The following C14orf39 variants were observed in gnomAD, a reference collection of about 807,000 sequenced individuals.
The protein encoded by C14orf39 is chromosome 14 open reading frame 39, also known as protein SIX6OS1.
Under a neutral mutation model 85.6 loss-of-function variants are expected in C14orf39, and 66 were observed. That is an observed-to-expected ratio of 0.77 (90% CI 0.63 to 0.95). The LOEUF (loss-of-function observed/expected upper bound fraction) is 0.95. Ranked by LOEUF, C14orf39 falls within the 40% of genes least tolerant of loss-of-function variation. The pLI, the probability that C14orf39 is intolerant of heterozygous loss-of-function variation, is 0.00. For missense variants in C14orf39, 735 were observed against 663.9 expected, an observed-to-expected ratio of 1.11 and a Z score of -1.18; for synonymous variants, 242 against 214.0, an observed-to-expected ratio of 1.13 and a Z score of -1.14.
At position 60,491,677 on chromosome 14, in the gene C14orf39, T is replaced by C. The variant is rs1026980779; in HGVS notation, c.-8-6591A>G. ...TTTTTCTCTATTTCAGCTGCCGCCATCTAAATTCATTCTCTCACCTGGATT... is the reference window on the plus strand; with the variant it reads ...TTTTTCTCTATTTCAGCTGCCGCCACCTAAATTCATTCTCTCACCTGGATT... On this transcript the variant is annotated intron_variant, in intron 2 of 5. Coordinates refer to the C14orf39 transcript ENST00000556799. This position sits in a 1 kb window ranked among gnomAD's most constrained non-coding sequence, Gnocchi z 4.5. Among the ~76,000 whole-genome samples the C allele has an allele frequency of 1.3e-5, 2 of 152,212 alleles. No individual in the cohort carries two copies. The highest frequency in any genetic ancestry group is 4.8e-5 in the African/African-American group (2 of 41,462).
rs1209465724 is a variant in C14orf39, at chr14:60,483,777, A to G, written c.147T>C (p.Cys49=). The change falls in exon 4 of 18, where the codon TGT becomes TGC. Residue 49 remains cysteine (C), a synonymous_variant. Coordinates refer to ENST00000321731, the MANE Select transcript of C14orf39 (RefSeq NM_174978.3). ...EDIKENKVTI[C]RIHETINATD... is the part of the protein sequence containing the mutation. ...TTGCATTTATAGTTTCGTGTATCCTACAAATAGTTACTTTGTTTTCCTTAA... is the reference window on the plus strand; with the variant it reads ...TTGCATTTATAGTTTCGTGTATCCTGCAAATAGTTACTTTGTTTTCCTTAA... 2.6e-6 allele frequency: 4 copies of G among 1,549,464 alleles called. No homozygotes were observed. In the East Asian group the frequency reaches 9.1e-5, roughly 35 times the overall value.
At chr14:60,448,964 C>T (rs145314769) in intron 16 of C14orf39, among the ~76,000 whole-genome samples, 9 of 152,090 alleles carry the variant, frequency 5.9e-5, no homozygotes, top group Non-Finnish European at 7.3e-5. Context: ...CATGTTCTCA[C>T]TCATAGGTGG....
chr14:60,511,049 C>A (rs373345115), intron 1 of C14orf39: 21 of 1,605,744 alleles, frequency 1.3e-5, no homozygotes, highest in South Asian at 1.1e-4. Flanking sequence ...GGCTGTGTTA[C>A]GAGCTGTGAC....
chr14:60,465,453 C>T (rs1388367441), intron 11 of C14orf39, among the ~76,000 whole-genome samples: 1 of 152,114 alleles, frequency 6.6e-6, no homozygotes, highest in Admixed American at 6.6e-5. Flanking sequence ...TCCATATTCA[C>T]TGCTTCCACC....
chr14:60,450,271 C>A (rs572274177), intron 16 of C14orf39, among the ~76,000 whole-genome samples: 3 of 152,260 alleles, frequency 2.0e-5, no homozygotes, highest in South Asian at 4.1e-4. Context: ...TCTGGACCTT[C>A]CCTGGGCCAG....
chr14:60,444,173 G>A (rs1166352030), intron 16 of C14orf39, among the ~76,000 whole-genome samples: 1 of 152,180 alleles, frequency 6.6e-6, no homozygotes, highest in Non-Finnish European at 1.5e-5. Flanking sequence ...TGCCAGCAAT[G>A]GAACAAAACT....
intron 16 of C14orf39, among the ~76,000 whole-genome samples, chr14:60,447,941 G>A (rs1890852157): frequency 1.3e-5 from 2 of 152,194 alleles, no homozygotes; most frequent in South Asian, 4.1e-4. Flanking sequence ...CAGCAACGGG[G>A]AAAGGATTCC....
At chr14:60,451,045 G>C (rs966325814) in intron 16 of C14orf39, among the ~76,000 whole-genome samples, 1 of 152,098 alleles carries the variant, frequency 6.6e-6, no homozygotes, top group African/African-American at 2.4e-5. Flanking sequence ...ATTCTTCAAT[G>C]CCTAGACACC....
intron 1 of C14orf39, among the ~76,000 whole-genome samples, chr14:60,508,013 C>A (rs1893229020): frequency 6.6e-6 from 1 of 152,142 alleles, no homozygotes; most frequent in Admixed American, 6.6e-5. Flanking sequence ...GTTGCCAATT[C>A]ACTCCACTAG....
At chr14:60,486,319 T>C (rs1208581834), upstream of C14orf39, among the ~76,000 whole-genome samples, 3 of 152,234 alleles carry the variant, frequency 2.0e-5, no homozygotes, top group African/African-American at 7.2e-5. Context: ...AGACAAGTGT[T>C]TTTTAAAGCC....
rs1322882418 is a variant in C14orf39, at chr14:60,436,915, G to A, written c.1694C>T (p.Ser565Leu). The A allele has an allele frequency of 6.2e-7, 1 of 1,612,424 alleles. No homozygotes were observed. Among genetic ancestry groups the A allele is most frequent in the Admixed American group, 1.7e-5 (1 of 59,952 alleles). Residue 565 changes from serine to leucine, a missense_variant, in exon 18 of 18, where the codon TCA becomes TTA. By Grantham distance (145) the Ser-to-Leu change is moderately radical. Coordinates refer to ENST00000321731, the MANE Select transcript of C14orf39 (RefSeq NM_174978.3). ...FPFSFGQGQN[S>L]IPSSSLKGFS... ...ACCTTTTAAAGAAGAAGAAGGTATT[G>A]AATTTTGACCCTGTCCAAATGAAAA...
rs143863550 is a variant in C14orf39 at position 60,504,062 on chromosome 14, C to T, written c.-143-4632G>A. ...ATCTCTGGCCTGCACCCACTAGATG[C>T]CAACTGAGACTACCGAAACTGTCTC... is the stretch of plus-strand genomic sequence containing the variant. On this transcript the variant is annotated intron_variant, in intron 1 of 5. Transcript: ENST00000556799. Among the ~76,000 whole-genome samples, 616 of 152,274 alleles carry T rather than the reference C, an allele frequency of 4.0e-3. 7 individuals are homozygous for T. Among genetic ancestry groups the T allele is most frequent in the African/African-American group, 0.014 (586 of 41,554 alleles).
intron 1 of C14orf39, among the ~76,000 whole-genome samples, chr14:60,503,809 T>C (rs1321299788): frequency 1.3e-5 from 2 of 152,210 alleles, no homozygotes; most frequent in Non-Finnish European, 2.9e-5. Context: ...GGAACAGATT[T>C]TATTAACATG....
chr14:60,448,933 A>C (rs1162757688), intron 16 of C14orf39, among the ~76,000 whole-genome samples: 2 of 152,170 alleles, frequency 1.3e-5, no homozygotes, highest in African/African-American at 2.4e-5. Context: ...AACTATCACA[A>C]GGACAGAAAA....
intron 15 of C14orf39, among the ~76,000 whole-genome samples, chr14:60,456,187 G>T (rs1891269196): frequency 6.6e-6 from 1 of 152,050 alleles, no homozygotes; most frequent in Admixed American, 6.6e-5. Flanking sequence ...GGTTGTTAAG[G>T]AAGATAATGG....
upstream of C14orf39, among the ~76,000 whole-genome samples, chr14:60,487,454 T>A (rs879282510): frequency 6.6e-6 from 1 of 151,710 alleles, no homozygotes; most frequent in Non-Finnish European, 1.5e-5. Flanking sequence ...TGGTCACAAA[T>A]GACAAGATTC....
chr14:60,437,085 A>C (rs2140003215), intron 17 of C14orf39, 38 bp from the exon 18 acceptor site: 1 of 1,385,744 alleles, frequency 7.2e-7, no homozygotes, highest in Middle Eastern at 2.5e-4. Flanking sequence ...TGCTCTTCAT[A>C]TTATATAAAA....
Position 60,469,515 on chromosome 14 carries a change from A to C in C14orf39, c.675+18T>G, listed in dbSNP as rs907952532. 3 of 1,154,398 alleles carry C rather than the reference A, an allele frequency of 2.6e-6. No individual in the cohort carries two copies. In the African/African-American group the frequency reaches 4.8e-5, roughly 18 times the overall value. The allele number at this position is 1,154,398 out of a possible 1,614,324, so 71.5% of individuals were successfully genotyped here. ...ATACATTAATACACATATTAGAAAT[A>C]TATAACAAAATATATACCTGGTTTA... is the stretch of plus-strand genomic sequence containing the variant. On this transcript the variant is annotated intron_variant, in intron 8 of 17. Transcript: ENST00000321731.
chr14:60,441,242 T>C (rs1334998180), intron 17 of C14orf39, among the ~76,000 whole-genome samples: 1 of 152,168 alleles, frequency 6.6e-6, no homozygotes, highest in Admixed American at 6.5e-5. Context: ...TAGAATAATA[T>C]AAAAGACTGG....
Sources: allele counts gnomAD v4.1 joint callset (sites outside exome capture counted in the v4.1 genomes callset), GRCh38; gene constraint gnomAD v4.1.1; non-coding constraint Gnocchi (gnomAD v3.1); transcripts MANE v1.5; gene names NCBI Gene and HGNC (gene_info 2026-07-23, HGNC 2026-07-21).